The following IRAG2 variants were observed in gnomAD, a reference collection of about 807,000 sequenced individuals.
IRAG2 encodes lymphoid restricted membrane protein.
Under a neutral mutation model 69.9 loss-of-function variants are expected in IRAG2, and 45 were observed. The observed-to-expected ratio is 0.64, with a 90% CI of 0.51 to 0.83. The LOEUF is 0.83. Among genes scored for constraint, IRAG2 ranks in the 40% least tolerant of loss-of-function variants. The pLI, the probability that IRAG2 is intolerant of heterozygous loss-of-function variation, is 0.00. For synonymous variants in IRAG2, 193 were observed against 202.4 expected, an observed-to-expected ratio of 0.95 and a Z score of 0.40; for missense variants, 520 against 587.0, an observed-to-expected ratio of 0.89 and a Z score of 1.18.
upstream of IRAG2, among the ~76,000 whole-genome samples, chr12:25,002,649 C>CTTTTTTT (rs374969962): frequency 2.1e-5 from 3 of 145,474 alleles, no homozygotes; most frequent in Non-Finnish European, 1.5e-5. Flanking sequence ...TTCTTCTTTT[C>CTTTTTTT]TTTTTTTTTT....
intron 5 of IRAG2, among the ~76,000 whole-genome samples, chr12:25,067,974 G>A (rs1438746285): frequency 6.6e-6 from 1 of 152,120 alleles, no homozygotes; most frequent in Admixed American, 6.6e-5. Flanking sequence ...CCAAGTAGCT[G>A]GGATTACAGG....
At chr12:25,100,733 C>T (rs1216974257) in intron 15 of IRAG2, 1 of 152,634 alleles carries the variant, frequency 6.6e-6, no homozygotes, top group African/African-American at 2.4e-5. Context: ...TTAACTCTCT[C>T]TAGATATCCA....
chr12:25,052,204 CTTTTTTT>C, upstream of IRAG2: 8 of 276,432 alleles, frequency 2.9e-5, no homozygotes, highest in Non-Finnish European at 4.3e-5. Flanking sequence ...GCGGTTTGGA[CTTTTTTT>C]TTTTTTTTTT....
chr12:25,055,558 T>C (rs150031783), intron 1 of IRAG2, among the ~76,000 whole-genome samples: 48 of 152,306 alleles, frequency 3.2e-4, no homozygotes, highest in African/African-American at 1.1e-3. Context: ...GCTGCACCCA[T>C]TAACTCGTCA....
At chr12:25,066,606 G>A in intron 5 of IRAG2, 94 bp downstream of exon 5, 1 of 393,120 alleles carries the variant, frequency 2.5e-6, no homozygotes, top group Admixed American at 4.4e-5. Context: ...CATAACGTGA[G>A]ATCACATCTT....
chr12:25,085,997 T>A (rs1947572984), intron 10 of IRAG2, among the ~76,000 whole-genome samples: 1 of 152,152 alleles, frequency 6.6e-6, no homozygotes, highest in Admixed American at 6.5e-5. Context: ...AAATGGTTGC[T>A]CCTAGTAAAA....
intron 6 of IRAG2, chr12:25,076,712 A>T: frequency 1.8e-6 from 1 of 566,116 alleles, no homozygotes; most frequent in South Asian, 7.8e-5. Context: ...ATGTTATTTC[A>T]TGCTACAGAT....
chr12:25,015,545 T>A, intron 5 of IRAG2: 1 of 540,010 alleles, frequency 1.9e-6, no homozygotes, highest in Non-Finnish European at 2.8e-6. Context: ...GCAGTAGAGC[T>A]AGCATAACTG....
chr12:25,013,802 TAGAA>T (rs1055927600), intron 3 of IRAG2, among the ~76,000 whole-genome samples: 18 of 150,958 alleles, frequency 1.2e-4, no homozygotes, highest in Admixed American at 2.6e-4. Flanking sequence ...AGGAAAATAT[TAGAA>T]AGAATTTATG....
At position 25,096,930 on chromosome 12, in the gene IRAG2, A is replaced by G. The variant is rs1184506118; in HGVS notation, c.627A>G (p.Glu209=). The G allele has an allele frequency of 5.0e-6, 8 of 1,613,240 alleles. No individual in the cohort carries two copies. The highest frequency in any genetic ancestry group is 1.3e-5 in the African/African-American group (1 of 74,880). Residue 209 remains glutamate, a synonymous_variant, in exon 15 of 22, where the codon GAA becomes GAG. Transcript: ENST00000556887. ...TACAGTCTTTAACACCTCTGTGTGA[A>G]GATGACAACCAGGCACAGGAAATCA... The part of the protein sequence containing the change: ...KLLESLTPLC[E]DDNQAQEIIK...
intron 7 of IRAG2, chr12:25,021,013 T>C (rs958547592): frequency 5.3e-5 from 25 of 472,062 alleles, no homozygotes; most frequent in African/African-American, 4.2e-4. Flanking sequence ...TCCTGATGAA[T>C]GAATTGGTAA....
chr12:25,011,028 C>T (rs923063243), intron 2 of IRAG2, among the ~76,000 whole-genome samples: 6 of 152,170 alleles, frequency 3.9e-5, no homozygotes, highest in Admixed American at 2.6e-4. Flanking sequence ...TGGTCACCTC[C>T]CATGAGAAAT....
At chr12:25,100,825 C>CT (rs5797118) in intron 15 of IRAG2, 98,991 of 146,634 alleles carry the variant, frequency 0.68, 34,505 homozygotes, top group East Asian at 0.89. Context: ...TGGACCTAAT[C>CT]TTTTTTTTTT....
At chr12:25,096,798 C>T in intron 14 of IRAG2, 112 bp from the exon 15 acceptor site, 7 of 757,614 alleles carry the variant, frequency 9.2e-6, no homozygotes, top group Non-Finnish European at 1.0e-5. Context: ...TTTCATCTTC[C>T]ACCGAAATAA....
rs1555139257 is a variant in IRAG2 at position 25,077,374 on chromosome 12, T to TATATATATCATATATATATGAA, written c.25-1862_25-1861insCATATATATATGAAATATATAT. ...TATGATATATATGATATATATGAAA[T>TATATATATCATATATATATGAA]ATATATATGATATATATATGAAATA... is the stretch of plus-strand genomic sequence containing the variant. On this transcript the variant is annotated intron_variant, in intron 6 of 21. Coordinates refer to ENST00000556887, the MANE Select transcript of IRAG2 (RefSeq NM_001366544.2). 4.9e-4 allele frequency among the ~76,000 whole-genome samples: 30 copies of TATATATATCATATATATATGAA among 61,650 alleles called. 7 individuals are homozygous for TATATATATCATATATATATGAA. Among genetic ancestry groups the TATATATATCATATATATATGAA allele is most frequent in the South Asian group, 1.6e-3 (3 of 1,852 alleles). 40.4% of individuals were successfully genotyped at this position (61,650 alleles called of 152,430 possible).
intron 16 of IRAG2, among the ~76,000 whole-genome samples, chr12:25,045,452 AAG>A (rs1944785685): frequency 1.3e-5 from 2 of 152,060 alleles, no homozygotes; most frequent in African/African-American, 4.8e-5. Flanking sequence ...CAGCAAAACT[AAG>A]AGATGGATTT....
At chr12:25,105,554 CTT>C (rs932111661) in intron 20 of IRAG2, among the ~76,000 whole-genome samples, 1 of 151,286 alleles carries the variant, frequency 6.6e-6, no homozygotes, top group East Asian at 1.9e-4. Flanking sequence ...TGGTTTTTTT[CTT>C]TTTTTTAAAG....
chr12:25,045,654 C>A (rs141687842), intron 16 of IRAG2, among the ~76,000 whole-genome samples: 76 of 151,858 alleles, frequency 5.0e-4, no homozygotes, highest in African/African-American at 1.6e-3. Flanking sequence ...ACATACACCC[C>A]ATCATATTTC....
intron 6 of IRAG2, among the ~76,000 whole-genome samples, chr12:25,070,385 GC>G: frequency 6.6e-6 from 1 of 152,118 alleles, no homozygotes; most frequent in East Asian, 1.9e-4. Context: ...GGCCTTCTGT[GC>G]CCAGCTTCTT....
Sources: gnomAD v4.1 joint callset for allele counts (sites outside exome capture counted in the v4.1 genomes callset) on GRCh38, gnomAD v4.1.1 for gene constraint, MANE v1.5 for transcripts, NCBI Gene and HGNC (gene_info 2026-07-23, HGNC 2026-07-21) for gene names.